USP25: variants seen among roughly 807,000 people sequenced by gnomAD.
USP25 encodes ubiquitin specific peptidase 25.
Under a neutral mutation model 158.5 loss-of-function variants are expected in USP25, and 85 were observed. The observed-to-expected ratio is 0.54, with a 90% CI of 0.45 to 0.64. The LOEUF (loss-of-function observed/expected upper bound fraction) is 0.64, where lower values mean the gene tolerates loss of function less well. Among genes scored for constraint, USP25 ranks in the 30% least tolerant of loss-of-function variants. The pLI is 0.00. For synonymous variants in USP25, 464 were observed against 460.4 expected (o/e 1.01, Z -0.10); for missense variants, 1,242 against 1,327.3 (o/e 0.94, Z 1.00).
At chr21:15,736,561 C>T (rs186330544) in intron 1 of USP25, among the ~76,000 whole-genome samples, 104 of 151,756 alleles carry the variant, frequency 6.9e-4, no homozygotes, top group African/African-American at 2.5e-3. Flanking sequence ...ACCACCCCCA[C>T]CCTTGTCTTT....
At chr21:15,811,292 A>C in intron 9 of USP25, 82 bp downstream of exon 9, 1 of 1,260,692 alleles carries the variant, frequency 7.9e-7, no homozygotes, top group Non-Finnish European at 1.1e-6. Context: ...CTATTTTTTT[A>C]GTGGACTTTA....
chr21:15,782,696 C>T (rs1205710544), intron 4 of USP25, among the ~76,000 whole-genome samples: 1 of 152,304 alleles, frequency 6.6e-6, no homozygotes. Flanking sequence ...CCACCCTGAA[C>T]CAAAGCCACC....
intron 1 of USP25, among the ~76,000 whole-genome samples, chr21:15,738,332 A>T (rs1416121323): frequency 6.6e-6 from 1 of 152,116 alleles, no homozygotes; most frequent in East Asian, 1.9e-4. Flanking sequence ...GCTCTCTCAA[A>T]TCCTCTGTCT....
chr21:15,879,857 A>C lies in USP25; in HGVS notation c.*1382A>C, dbSNP rs1889041227. The C allele has an allele frequency of 1.3e-5, 2 of 152,482 alleles. No individual in the cohort carries two copies. Among genetic ancestry groups the C allele is most frequent in the Admixed American group, 1.3e-4 (2 of 15,268 alleles). 9.4% of individuals were successfully genotyped at this position (152,482 alleles called of 1,614,324 possible). ...GTATTAATGTACTAGTAAGGTGTTA[A>C]TGACAAGGAATTAGTACTATTCCTG... On this transcript the variant is annotated 3_prime_UTR_variant, in exon 26 of 26. Transcript: ENST00000400183.
At chr21:15,771,912 A>T (rs1242352736) in intron 3 of USP25, among the ~76,000 whole-genome samples, 1 of 152,054 alleles carries the variant, frequency 6.6e-6, no homozygotes, top group African/African-American at 2.4e-5. Context: ...ATTTTTTTTA[A>T]AAAAAGTATT....
chr21:15,825,578 T>G (rs1040982465), intron 12 of USP25, among the ~76,000 whole-genome samples: 2 of 152,166 alleles, frequency 1.3e-5, no homozygotes, highest in Admixed American at 1.3e-4. Flanking sequence ...ATGGCCTCAC[T>G]GTTGTCTATT....
rs768411109 is a variant in USP25 at position 15,877,904 on chromosome 21, C to G, written c.3118C>G (p.Leu1040Val). The change falls in exon 25 of 26, where the codon CTG (leucine) becomes GTG (valine). Residue 1040 changes from leucine (L) to valine (V), a missense_variant. Physicochemically the swap from Leu to Val is conservative, Grantham distance 32. Around this residue, in one of 3 missense-constraint regions of USP25, gnomAD observed 608 missense variants for 605.2 expected, o/e 1.00. Coordinates refer to ENST00000400183, the MANE Select transcript of USP25 (RefSeq NM_001283041.3). The stretch of plus-strand genomic sequence containing the variant: ...TATTGTCCCATTTTTGCCATTATTA[C>G]TGGTGGATGAAATGGAAGAAAAGGA... Reference protein sequence around the residue: ...EFIVPFLPLLLVDEMEEKDIL... With the variant: ...EFIVPFLPLLVVDEMEEKDIL... 1 of 1,613,320 alleles carries G rather than the reference C, an allele frequency of 6.2e-7. No individual in the cohort carries two copies. Among genetic ancestry groups the G allele is most frequent in the Non-Finnish European group, 8.5e-7 (1 of 1,179,630 alleles).
At chr21:15,867,667 T>C (rs140381690) in intron 22 of USP25, among the ~76,000 whole-genome samples, 200 of 152,280 alleles carry the variant, frequency 1.3e-3, no homozygotes, top group African/African-American at 4.1e-3. Context: ...AAGACAGCTT[T>C]GCAGCATGCA....
intron 2 of USP25, among the ~76,000 whole-genome samples, 177 bp from the exon 3 acceptor site, chr21:15,765,820 A>G (rs976499489): frequency 3.9e-5 from 6 of 152,220 alleles, no homozygotes; most frequent in South Asian, 2.1e-4. Flanking sequence ...AGGTATTACT[A>G]TTGATATAGT....
At chr21:15,827,283 C>T in intron 14 of USP25, 80 bp downstream of exon 14, 3 of 1,177,192 alleles carry the variant, frequency 2.5e-6, no homozygotes, top group South Asian at 2.8e-5. Flanking sequence ...GAAATCACGT[C>T]TGGATTTTAT....
rs1298664576 is a variant in USP25 at position 15,825,824 on chromosome 21, A to G, written c.1305-380A>G. Among the ~76,000 whole-genome samples, 32 of 152,218 alleles carry G rather than the reference A, an allele frequency of 2.1e-4. 1 individual carries two copies. The highest frequency in any genetic ancestry group is 2.1e-3 in the Admixed American group (32 of 15,276). ...AAAGTATGAATAATCATATTGAAAC[A>G]TGATTAGTGGTAAAAGATAGGAGGA... On this transcript the variant is annotated intron_variant, in intron 12 of 25. Transcript: ENST00000400183.
chr21:15,774,770 G>T (rs942148674), intron 3 of USP25, among the ~76,000 whole-genome samples: 3 of 152,118 alleles, frequency 2.0e-5, no homozygotes, highest in Non-Finnish European at 4.4e-5. Context: ...AAAGAAACTG[G>T]CTTGGCTTCT....
In USP25 at chr21:15,805,103, G is replaced by A; in HGVS notation, c.643-18G>A. ...CTTCAGTTAAGGTGTTTTTGTTTTT[G>A]TTTTTTTCCTTCAATAGGAACATCG... On this transcript the variant is annotated intron_variant, in intron 6 of 25. Transcript: ENST00000400183. 6.4e-7 allele frequency: 1 copy of A among 1,556,958 alleles called. No homozygotes were observed.
Position 15,827,088 on chromosome 21 carries a change from G to T in USP25, c.1578G>T (p.Arg526=), listed in dbSNP as rs138646186. The change falls in exon 14 of 26, where the codon CGG becomes CGT. Residue 526 remains arginine, a synonymous_variant. Coordinates refer to ENST00000400183, the MANE Select transcript of USP25 (RefSeq NM_001283041.3). Reference sequence around the variant, plus strand: ...TACACAAACCATTTACTCAGTCCCGGATACCTCCAGATTTGCCCATGCATC... The same window carrying T: ...TACACAAACCATTTACTCAGTCCCGTATACCTCCAGATTTGCCCATGCATC... ...SVIHKPFTQS[R]IPPDLPMHPA... The T allele has an allele frequency of 8.0e-5, 129 of 1,614,136 alleles. No individual in the cohort carries two copies. The highest frequency in any genetic ancestry group is 1.2e-4 in the Admixed American group (7 of 60,004).
chr21:15,805,089 G>A (rs1482335609), intron 6 of USP25, 32 bp from the exon 7 acceptor site: 3 of 1,550,728 alleles, frequency 1.9e-6, no homozygotes, highest in South Asian at 1.2e-5. Context: ...TTCAGTTAAG[G>A]TGTTTTTGTT....
rs150070989 is a variant in USP25, at chr21:15,815,926, T to C, written c.932-2772T>C. On this transcript the variant is annotated intron_variant, in intron 9 of 25. Transcript: ENST00000400183. ...AGATGTGGTTTGGACTGTGGACTTTTGGGTTAATGCTAAAATGAGCTAAGA... is the reference window on the plus strand; with the variant it reads ...AGATGTGGTTTGGACTGTGGACTTTCGGGTTAATGCTAAAATGAGCTAAGA... Among the ~76,000 whole-genome samples, 363 of 152,270 alleles carry C rather than the reference T, an allele frequency of 2.4e-3. 5 individuals are homozygous for C. Among genetic ancestry groups the C allele is most frequent in the African/African-American group, 8.4e-3 (351 of 41,542 alleles).
At chr21:15,853,211 A>G (rs2038968237) in intron 20 of USP25, among the ~76,000 whole-genome samples, 1 of 152,182 alleles carries the variant, frequency 6.6e-6, no homozygotes, top group South Asian at 2.1e-4. Flanking sequence ...TATATCACTC[A>G]GAAATCTATT....
chr21:15,775,121 C>A lies in USP25; in HGVS notation c.269-2783C>A, dbSNP rs1238952012. On this transcript the variant is annotated intron_variant, in intron 3 of 25. Transcript: ENST00000400183. ...CATTCTCGCGTCTTATGATGTGCTTCATTTCTCAGAATTTCAGTGATTTCA... is the reference window on the plus strand; with the variant it reads ...CATTCTCGCGTCTTATGATGTGCTTAATTTCTCAGAATTTCAGTGATTTCA... 2.0e-5 allele frequency among the ~76,000 whole-genome samples: 3 copies of A among 152,132 alleles called. No homozygotes were observed. In the South Asian group the frequency reaches 6.2e-4, roughly 32 times the overall value.
At chr21:15,866,229 A>G (rs1160471566) in intron 21 of USP25, 37 bp from the exon 22 acceptor site, 8 of 1,456,738 alleles carry the variant, frequency 5.5e-6, no homozygotes, top group Non-Finnish European at 7.5e-6. Context: ...ATACACACAC[A>G]TACACACACG....
Sources: allele counts gnomAD v4.1 joint callset (sites outside exome capture counted in the v4.1 genomes callset), GRCh38; gene constraint gnomAD v4.1.1; regional missense constraint gnomAD v4.1.1; transcripts MANE v1.5; gene names NCBI Gene and HGNC (gene_info 2026-07-23, HGNC 2026-07-21).